GAB1: variants seen among roughly 807,000 people sequenced by gnomAD.
GAB1 encodes the protein GRB2-associated-binding protein 1.
GAB1 carries 19 observed loss-of-function variants against 66.5 expected under a neutral mutation model. That is an observed-to-expected ratio of 0.29 (90% CI 0.20 to 0.42). The LOEUF (loss-of-function observed/expected upper bound fraction) is 0.42, where lower values mean the gene tolerates loss of function less well. GAB1 is among the 10% of genes least tolerant of loss of function. The pLI is 1.00. For missense variants in GAB1, 732 were observed against 858.5 expected (o/e 0.85, Z 1.84); for synonymous variants, 294 against 301.4 (o/e 0.98, Z 0.25).
At chr4:143,439,264 A>G (rs1578717724) in intron 4 of GAB1, among the ~76,000 whole-genome samples, 2 of 152,214 alleles carry the variant, frequency 1.3e-5, no homozygotes, top group East Asian at 3.9e-4. Context: ...TCAAAGTCCT[A>G]CAAATAGAAA....
intron 1 of GAB1, among the ~76,000 whole-genome samples, chr4:143,360,720 C>T (rs1028241692): frequency 3.3e-5 from 5 of 151,958 alleles, no homozygotes; most frequent in Admixed American, 1.3e-4. Context: ...TTTTGTTTTT[C>T]GTGTGACTTC....
At chr4:143,374,903 T>C (rs936414033) in intron 1 of GAB1, among the ~76,000 whole-genome samples, 3 of 152,202 alleles carry the variant, frequency 2.0e-5, no homozygotes, top group African/African-American at 7.2e-5. Flanking sequence ...CCAGAATGAC[T>C]TGTAAGGCTG....
intron 6 of GAB1, among the ~76,000 whole-genome samples, chr4:143,445,648 A>G (rs1018811572): frequency 6.6e-6 from 1 of 152,146 alleles, no homozygotes; most frequent in Non-Finnish European, 1.5e-5. Context: ...AGACTTGGTC[A>G]TAATGCCTAG....
chr4:143,442,960 G>T (rs547316200), intron 6 of GAB1, among the ~76,000 whole-genome samples: 4 of 149,106 alleles, frequency 2.7e-5, no homozygotes, highest in Non-Finnish European at 5.9e-5. Flanking sequence ...CAGTAAAGAG[G>T]TTCCTGAAGT....
intron 1 of GAB1, among the ~76,000 whole-genome samples, chr4:143,341,975 G>A (rs1728837034): frequency 6.6e-6 from 1 of 152,202 alleles, no homozygotes; most frequent in Admixed American, 6.5e-5. Context: ...GACTGAATAA[G>A]CATAATTATT....
intron 3 of GAB1, among the ~76,000 whole-genome samples, chr4:143,435,711 C>T (rs1733908433): frequency 1.3e-5 from 2 of 152,180 alleles, no homozygotes; most frequent in South Asian, 4.1e-4. Context: ...CAGATATAGT[C>T]ACCTTTGGAG....
At chr4:143,465,087 A>G (rs912606405) in intron 8 of GAB1, among the ~76,000 whole-genome samples, 7 of 152,236 alleles carry the variant, frequency 4.6e-5, no homozygotes, top group African/African-American at 1.7e-4. Flanking sequence ...CTTGCGTATG[A>G]GAAGCCAAGA....
intron 1 of GAB1, among the ~76,000 whole-genome samples, chr4:143,340,573 C>T (rs1460567156): frequency 1.3e-5 from 2 of 152,076 alleles, no homozygotes; most frequent in Non-Finnish European, 2.9e-5. Flanking sequence ...TGCAGTGGCA[C>T]TATCTCGGCT....
In GAB1 at chr4:143,460,504, CT is replaced by C. The variant is rs953765449; in HGVS notation, c.1803+21del. On this transcript the variant is annotated intron_variant, in intron 8 of 9. Transcript: ENST00000262994. ...GAAGACCCAGTATGTAAAGTTTTAA[CT>C]TTTCCCTTTCTGAGCAGCCCTTTTC... The C allele has an allele frequency of 6.2e-7, 1 of 1,612,176 alleles. No individual in the cohort carries two copies. Among genetic ancestry groups the C allele is most frequent in the African/African-American group, 1.3e-5 (1 of 75,006 alleles).
At chr4:143,382,128 C>A (rs1411153822) in intron 1 of GAB1, 1 of 152,144 alleles carries the variant, frequency 6.6e-6, no homozygotes, top group Non-Finnish European at 1.5e-5. Context: ...ACCTTTATGC[C>A]GCCAGGCTGT....
chr4:143,436,376 C>T (rs1374797957), intron 3 of GAB1, among the ~76,000 whole-genome samples: 7 of 152,126 alleles, frequency 4.6e-5, no homozygotes, highest in Admixed American at 4.6e-4. Flanking sequence ...AGTTCCCACA[C>T]CCTGTAGGGG....
intron 3 of GAB1, chr4:143,433,989 T>C: frequency 1.4e-6 from 1 of 690,532 alleles, no homozygotes; most frequent in South Asian, 1.9e-5. Context: ...TCTCCTATTT[T>C]GTAGTCTTTG....
intron 9 of GAB1, among the ~76,000 whole-genome samples, chr4:143,468,350 G>T (rs1345212698): frequency 4.0e-5 from 6 of 151,250 alleles, no homozygotes; most frequent in African/African-American, 1.5e-4. Flanking sequence ...AAGTAGCTGG[G>T]ATTACAGGCG....
chr4:143,374,584 G>C (rs889450780), intron 1 of GAB1, among the ~76,000 whole-genome samples: 2 of 152,126 alleles, frequency 1.3e-5, no homozygotes, highest in African/African-American at 4.8e-5. Context: ...CTGACTTTTA[G>C]TTGACTAAAA....
chr4:143,387,830 G>A (rs891308070), intron 1 of GAB1, among the ~76,000 whole-genome samples: 2 of 152,130 alleles, frequency 1.3e-5, no homozygotes, highest in Non-Finnish European at 2.9e-5. Flanking sequence ...CCTTGATCCT[G>A]ATCTTGATCC....
chr4:143,392,117 T>A (rs1325126259), intron 1 of GAB1, among the ~76,000 whole-genome samples: 1 of 152,206 alleles, frequency 6.6e-6, no homozygotes, highest in Non-Finnish European at 1.5e-5. Context: ...AGAGGAGGCA[T>A]CTGTTTTTGT....
chr4:143,423,252 G>C (rs1733116026), intron 2 of GAB1, among the ~76,000 whole-genome samples: 1 of 152,222 alleles, frequency 6.6e-6, no homozygotes, highest in Non-Finnish European at 1.5e-5. Context: ...AGCCAAAGTA[G>C]TGAAGTAGTT....
At chr4:143,370,025 C>G (rs1730049919) in intron 1 of GAB1, among the ~76,000 whole-genome samples, 1 of 152,184 alleles carries the variant, frequency 6.6e-6, no homozygotes, top group African/African-American at 2.4e-5. Context: ...AGTGGTCAAA[C>G]AAAAATGGCA....
At chr4:143,459,113 A>G (rs964729070) in intron 6 of GAB1, among the ~76,000 whole-genome samples, 6 of 152,128 alleles carry the variant, frequency 3.9e-5, no homozygotes, top group African/African-American at 1.4e-4. Flanking sequence ...GTTTATATTC[A>G]TAAAATATGC....
Sources: gnomAD v4.1 joint callset for allele counts (sites outside exome capture counted in the v4.1 genomes callset) on GRCh38, gnomAD v4.1.1 for gene constraint, MANE v1.5 for transcripts, NCBI Gene and HGNC (gene_info 2026-07-23, HGNC 2026-07-21) for gene names.